Variants in ESRRG observed in about 807,000 individuals in gnomAD.
ESRRG encodes the protein estrogen related receptor gamma.
ESRRG carries 13 observed loss-of-function variants against 44.0 expected under a neutral mutation model. The ratio of observed to expected loss-of-function variants is 0.30; its 90% CI spans 0.19 to 0.47. The LOEUF is 0.47. ESRRG is among the 20% of genes least tolerant of loss of function. ESRRG has a pLI of 1.00. For synonymous variants in ESRRG, 215 were observed against 214.6 expected, an observed-to-expected ratio of 1.00 and a Z score of -0.02; for missense variants, 395 against 580.6, an observed-to-expected ratio of 0.68 and a Z score of 3.29.
At chr1:217,096,028 T>G (rs893000167) in intron 1 of ESRRG, among the ~76,000 whole-genome samples, 1 of 152,138 alleles carries the variant, frequency 6.6e-6, no homozygotes, top group African/African-American at 2.4e-5. Context: ...CTTAGGAGAG[T>G]CTTAAATAAA....
At chr1:216,544,518 T>G (rs911691256) in intron 5 of ESRRG, among the ~76,000 whole-genome samples, 28 of 151,944 alleles carry the variant, frequency 1.8e-4, no homozygotes, top group African/African-American at 6.5e-4. Flanking sequence ...AGTGCTAGGC[T>G]TTTTGGTGCT....
At chr1:216,719,986 C>A (rs527607387) in intron 1 of ESRRG, among the ~76,000 whole-genome samples, 1 of 152,020 alleles carries the variant, frequency 6.6e-6, no homozygotes, top group Admixed American at 6.6e-5. Context: ...TAGGGTAATA[C>A]ATAAATACCC....
intron 1 of ESRRG, among the ~76,000 whole-genome samples, chr1:217,083,086 G>T (rs553951161): frequency 6.6e-6 from 1 of 152,166 alleles, no homozygotes. Context: ...TATCATAATA[G>T]AACTGTTCTT....
chr1:216,967,150 C>T (rs902855518), intron 1 of ESRRG, among the ~76,000 whole-genome samples: 24 of 151,584 alleles, frequency 1.6e-4, no homozygotes, highest in African/African-American at 5.6e-4. Context: ...GCCTACCTAC[C>T]CTCCACATAC....
chr1:216,571,574 G>A (rs139570951), intron 3 of ESRRG, among the ~76,000 whole-genome samples: 58 of 152,140 alleles, frequency 3.8e-4, no homozygotes, highest in South Asian at 2.5e-3. Flanking sequence ...TATTCCATGC[G>A]TCACAAATCT....
At chr1:216,740,601 T>C (rs1380689702) in intron 2 of ESRRG, among the ~76,000 whole-genome samples, 3 of 151,132 alleles carry the variant, frequency 2.0e-5, no homozygotes, top group Admixed American at 6.6e-5. Context: ...GAGAGATTTC[T>C]AAGCCCTGCA....
chr1:217,096,588 G>A (rs1210021375), intron 1 of ESRRG, among the ~76,000 whole-genome samples: 2 of 137,842 alleles, frequency 1.5e-5, no homozygotes, highest in African/African-American at 2.8e-5. Flanking sequence ...TTTACGAGTC[G>A]CCAAAGGGGT....
intron 1 of ESRRG, among the ~76,000 whole-genome samples, chr1:217,075,220 C>T (rs955557873): frequency 2.0e-5 from 3 of 152,206 alleles, no homozygotes; most frequent in Non-Finnish European, 4.4e-5. Flanking sequence ...AAACCAGCAA[C>T]AGTTTACTGG....
intron 1 of ESRRG, among the ~76,000 whole-genome samples, chr1:217,071,914 T>C (rs2090611947): frequency 6.6e-6 from 1 of 152,180 alleles, no homozygotes; most frequent in African/African-American, 2.4e-5. Flanking sequence ...TCTAGAGCTA[T>C]GATGTAAAGC....
chr1:216,557,419 AAAACC>A (rs1219496909), intron 5 of ESRRG, among the ~76,000 whole-genome samples: 3 of 152,132 alleles, frequency 2.0e-5, no homozygotes, highest in Non-Finnish European at 4.4e-5. Flanking sequence ...CCACTGTTAA[AAAACC>A]AAACCAAACC....
chr1:216,714,493 A>G (rs1171635132), intron 1 of ESRRG: 2 of 564,382 alleles, frequency 3.5e-6, no homozygotes, highest in East Asian at 1.4e-4. Context: ...AAGGAAGACA[A>G]TAGACAATAT....
At position 216,512,922 on chromosome 1, in the gene ESRRG, G is replaced by A. The variant is rs541480361; in HGVS notation, c.1133-5739C>T. 5.9e-5 allele frequency among the ~76,000 whole-genome samples: 9 copies of A among 152,238 alleles called. No homozygotes were observed. In the South Asian group the frequency reaches 1.0e-3, roughly 18 times the overall value. ...AAATGCTACTGCTGGCTTTAAAGAC[G>A]GAGGAGGGTGCTCAGCACCAAGGAA... On this transcript the variant is annotated intron_variant, in intron 6 of 6. Coordinates refer to ENST00000408911, the MANE Select transcript of ESRRG (RefSeq NM_001438.4).
intron 2 of ESRRG, among the ~76,000 whole-genome samples, chr1:216,773,765 A>T (rs1388230745): frequency 6.6e-6 from 1 of 152,078 alleles, no homozygotes; most frequent in African/African-American, 2.4e-5. Context: ...AGATAAGATG[A>T]ACAGTGGGGA....
chr1:217,117,505 A>G (rs1323905667), intron 1 of ESRRG, among the ~76,000 whole-genome samples: 1 of 152,054 alleles, frequency 6.6e-6, no homozygotes, highest in Non-Finnish European at 1.5e-5. Flanking sequence ...TGATCACTTG[A>G]GCCTAGGAGT....
chr1:216,529,473 G>A (rs1035815564), intron 5 of ESRRG, among the ~76,000 whole-genome samples: 2 of 152,224 alleles, frequency 1.3e-5, no homozygotes, highest in Admixed American at 6.5e-5. Context: ...GTCATGCAAA[G>A]TTTTAATAAA....
At chr1:216,804,920 A>G (rs906637428) in intron 2 of ESRRG, 7 of 152,202 alleles carry the variant, frequency 4.6e-5, no homozygotes, top group Admixed American at 2.0e-4. Context: ...TAGCATTTAC[A>G]AATAGAGGAA....
intron 6 of ESRRG, among the ~76,000 whole-genome samples, chr1:216,515,263 G>A (rs192665738): frequency 2.6e-4 from 40 of 151,852 alleles, no homozygotes; most frequent in Middle Eastern, 6.8e-3. Context: ...GTGTGTACAC[G>A]TATGTATATA....
intron 1 of ESRRG, among the ~76,000 whole-genome samples, chr1:216,700,640 C>T (rs950645240): frequency 1.3e-5 from 2 of 152,130 alleles, no homozygotes; most frequent in African/African-American, 2.4e-5. Context: ...GATGGTATTC[C>T]TATGCATTTC....
chr1:216,928,237 TC>T (rs908399940), intron 2 of ESRRG, among the ~76,000 whole-genome samples: 3 of 152,292 alleles, frequency 2.0e-5, no homozygotes, highest in African/African-American at 7.2e-5. Context: ...ATTGAATTTT[TC>T]CCCTGTAAAA....
Sources: allele counts gnomAD v4.1 joint callset (sites outside exome capture counted in the v4.1 genomes callset), GRCh38; gene constraint gnomAD v4.1.1; transcripts MANE v1.5; gene names NCBI Gene and HGNC (gene_info 2026-07-23, HGNC 2026-07-21).